Variants in CCDC3 observed in about 807,000 individuals in gnomAD.
CCDC3 encodes coiled-coil domain containing 3, also known as coiled-coil domain-containing protein 3.
In CCDC3, 24 loss-of-function variants were observed where a neutral mutation model predicts 21.4. The observed-to-expected ratio is 1.12, with a 90% confidence interval of 0.81 to 1.58. The LOEUF (loss-of-function observed/expected upper bound fraction) is 1.58. CCDC3 is among the 40% of genes most tolerant of loss of function. CCDC3 has a pLI of 0.00. For missense variants in CCDC3, 425 were observed against 360.9 expected (o/e 1.18, Z -1.44); for synonymous variants, 186 against 166.0 (o/e 1.12, Z -0.93).
At chr10:12,903,548 ACCAAAGAGAATGTCCTACAGGGCAGCC>A (rs1834124895) in intron 2 of CCDC3, among the ~76,000 whole-genome samples, 1 of 152,234 alleles carries the variant, frequency 6.6e-6, no homozygotes, top group African/African-American at 2.4e-5. Context: ...TTGAAGAAGA[ACCAAAGAGAATGTCCTACAGGGCAGCC>A]CCAAAGCAAC....
At chr10:13,098,308 T>C (rs1832656721) in intron 3 of CCDC3, among the ~76,000 whole-genome samples, 1 of 152,162 alleles carries the variant, frequency 6.6e-6, no homozygotes, top group East Asian at 1.9e-4. Context: ...CATAGTGTTG[T>C]TTTGTTCTCG....
At chr10:13,093,302 T>G (rs1832598203) in intron 3 of CCDC3, among the ~76,000 whole-genome samples, 1 of 152,104 alleles carries the variant, frequency 6.6e-6, no homozygotes, top group Non-Finnish European at 1.5e-5. Flanking sequence ...GGTTTCCCCT[T>G]ATAAAACCAT....
intron 5 of CCDC3, among the ~76,000 whole-genome samples, chr10:13,014,449 CAAAAAAAAGA>C (rs1240085400): frequency 2.8e-5 from 1 of 36,324 alleles, no homozygotes; most frequent in Non-Finnish European, 6.3e-5. Flanking sequence ...GACTCTGTCT[CAAAAAAAAGA>C]AAAAAAAAAA....
chr10:13,088,965 G>A (rs770251984), intron 3 of CCDC3, among the ~76,000 whole-genome samples: 1 of 151,516 alleles, frequency 6.6e-6, no homozygotes, highest in South Asian at 2.1e-4. Context: ...AGCTAAGATC[G>A]TGCCACTGCA....
intron 4 of CCDC3, among the ~76,000 whole-genome samples, chr10:13,052,613 T>A (rs1223636373): frequency 1.3e-5 from 2 of 151,954 alleles, no homozygotes; most frequent in Non-Finnish European, 2.9e-5. Context: ...TTGTTGAGGG[T>A]TGATCTCATG....
At chr10:13,088,693 G>A (rs1006809676) in intron 3 of CCDC3, among the ~76,000 whole-genome samples, 2 of 152,162 alleles carry the variant, frequency 1.3e-5, no homozygotes, top group Non-Finnish European at 2.9e-5. Flanking sequence ...GCATTAAGGA[G>A]ACAAGACGGA....
At chr10:12,949,482 G>A (rs1015015321) in intron 2 of CCDC3, among the ~76,000 whole-genome samples, 1 of 152,170 alleles carries the variant, frequency 6.6e-6, no homozygotes, top group Non-Finnish European at 1.5e-5. Context: ...ACCCGATGGA[G>A]GGATCTGACA....
At chr10:13,001,161 G>A in intron 1 of CCDC3, 36 bp downstream of exon 1, 1 of 1,524,266 alleles carries the variant, frequency 6.6e-7, no homozygotes, top group African/African-American at 1.4e-5. Context: ...GTGGCGCAGA[G>A]AGAGAGAGAG....
chr10:13,003,634 C>T (rs1019156312), upstream of CCDC3, among the ~76,000 whole-genome samples: 2 of 152,180 alleles, frequency 1.3e-5, no homozygotes. Context: ...TAGTCCTATA[C>T]TGTAACTCAT....
chr10:13,037,198 G>GC (rs1432981267), intron 5 of CCDC3, among the ~76,000 whole-genome samples: 3 of 152,116 alleles, frequency 2.0e-5, no homozygotes, highest in Non-Finnish European at 4.4e-5. Context: ...TAGCGTACAA[G>GC]CCCTCAGCTT....
chr10:12,933,624 T>A (rs1251011), intron 2 of CCDC3, among the ~76,000 whole-genome samples: 5,509 of 151,852 alleles, frequency 0.036, 318 homozygotes, highest in African/African-American at 0.13. Flanking sequence ...GCCAGGATAA[T>A]ATTTTGTGTT....
chr10:13,011,573 T>C (rs1835984560), intron 5 of CCDC3, among the ~76,000 whole-genome samples: 1 of 152,184 alleles, frequency 6.6e-6, no homozygotes, highest in Non-Finnish European at 1.5e-5. Flanking sequence ...TCCATGCTCA[T>C]AGATAGAAAG....
At chr10:12,952,450 C>A (rs766656114) in intron 2 of CCDC3, among the ~76,000 whole-genome samples, 2 of 152,158 alleles carry the variant, frequency 1.3e-5, no homozygotes, top group Non-Finnish European at 2.9e-5. Context: ...ACTGAGAGAA[C>A]AAAACAGAAC....
chr10:12,976,210 G>A (rs888869409), intron 2 of CCDC3, among the ~76,000 whole-genome samples: 3 of 152,212 alleles, frequency 2.0e-5, no homozygotes, highest in East Asian at 1.9e-4. Flanking sequence ...ATGGGCAGCA[G>A]GGAAGGGCAA....
chr10:12,978,570 GA>G (rs1835451473), intron 2 of CCDC3, among the ~76,000 whole-genome samples: 2 of 151,180 alleles, frequency 1.3e-5, no homozygotes, highest in African/African-American at 4.9e-5. Context: ...GAGAGAGAGA[GA>G]GATAAGGCCA....
intron 5 of CCDC3, among the ~76,000 whole-genome samples, chr10:13,034,960 A>T (rs1307648420): frequency 6.6e-6 from 1 of 151,846 alleles, no homozygotes; most frequent in East Asian, 1.9e-4. Flanking sequence ...CAGTAGGCAG[A>T]TGTTGCAGTG....
At chr10:13,004,085 T>A (rs1835897414), upstream of CCDC3, among the ~76,000 whole-genome samples, 1 of 152,204 alleles carries the variant, frequency 6.6e-6, no homozygotes, top group South Asian at 2.1e-4. Flanking sequence ...CTTCTGTGAG[T>A]GAATTATTGG....
chr10:12,982,422 C>T (rs11258102), intron 2 of CCDC3, among the ~76,000 whole-genome samples: 2 of 151,828 alleles, frequency 1.3e-5, no homozygotes, highest in East Asian at 1.9e-4. Context: ...ATCCGCTATA[C>T]GACAGCGTAC....
intron 5 of CCDC3, among the ~76,000 whole-genome samples, chr10:13,045,390 C>T (rs1360066906): frequency 6.6e-6 from 1 of 152,104 alleles, no homozygotes; most frequent in Non-Finnish European, 1.5e-5. Flanking sequence ...CCTGTAATCG[C>T]AGCACTTTGT....
Sources: allele counts gnomAD v4.1 joint callset (sites outside exome capture counted in the v4.1 genomes callset), GRCh38; gene constraint gnomAD v4.1.1; transcripts MANE v1.5; gene names NCBI Gene and HGNC (gene_info 2026-07-23, HGNC 2026-07-21).